The following FRMD5 variants were observed in gnomAD, a reference collection of about 807,000 sequenced individuals.
FRMD5 encodes FERM domain containing 5.
Under a neutral mutation model 69.0 loss-of-function variants are expected in FRMD5, and 20 were observed. That is an observed-to-expected ratio of 0.29 (90% CI 0.20 to 0.42). The LOEUF is 0.42. FRMD5 is among the 10% of genes least tolerant of loss of function. The pLI, the probability that FRMD5 is intolerant of heterozygous loss-of-function variation, is 1.00. For missense variants in FRMD5, 595 were observed against 708.6 expected, an observed-to-expected ratio of 0.84 and a Z score of 1.82; for synonymous variants, 271 against 260.1, an observed-to-expected ratio of 1.04 and a Z score of -0.40.
At chr15:44,144,991 TC>T in intron 1 of FRMD5, among the ~76,000 whole-genome samples, 1 of 152,306 alleles carries the variant, frequency 6.6e-6, no homozygotes, top group East Asian at 1.9e-4. Flanking sequence ...AATGAATTTG[TC>T]CTGATAAAGT....
At chr15:44,134,257 G>C (rs543988119) in intron 1 of FRMD5, among the ~76,000 whole-genome samples, 1 of 152,060 alleles carries the variant, frequency 6.6e-6, no homozygotes, top group South Asian at 2.1e-4. Flanking sequence ...CTACAGGTGT[G>C]CATCACCACG....
In FRMD5 at chr15:44,015,053, A is replaced by T. The variant is rs191748894; in HGVS notation, c.103-90744T>A. ...TTTCACCCCAAAAGAAAAGAAAAAA[A>T]CTATGCCTAACCTTGTGCCAAATCA... On this transcript the variant is annotated intron_variant, in intron 1 of 13. Transcript: ENST00000417257. Among the ~76,000 whole-genome samples the T allele has an allele frequency of 1.4e-4, 22 of 152,272 alleles. No homozygotes were observed. The East Asian group carries it at 4.2e-3, about 29-fold the overall frequency.
chr15:44,021,995 G>T (rs1323343879), intron 1 of FRMD5, among the ~76,000 whole-genome samples: 1 of 152,040 alleles, frequency 6.6e-6, no homozygotes, highest in East Asian at 1.9e-4. Context: ...CAAGATAGAC[G>T]AACCTTGAAA....
intron 1 of FRMD5, among the ~76,000 whole-genome samples, chr15:44,113,251 T>G (rs2076824506): frequency 6.6e-6 from 1 of 152,210 alleles, no homozygotes; most frequent in Non-Finnish European, 1.5e-5. Context: ...CAATCTGCAT[T>G]GTAGGGTTTT....
At position 44,010,400 on chromosome 15, in the gene FRMD5, C is replaced by CTT. The variant is rs5812260; in HGVS notation, c.103-86093_103-86092dup. 3.9e-3 allele frequency among the ~76,000 whole-genome samples: 551 copies of CTT among 139,910 alleles called. 4 individuals carry two copies. Among genetic ancestry groups the CTT allele is most frequent in the South Asian group, 0.02 (87 of 4,420 alleles). 91.8% of individuals were successfully genotyped at this position (139,910 alleles called of 152,430 possible). On this transcript the variant is annotated intron_variant, in intron 1 of 13. Transcript: ENST00000417257. Reference sequence around the variant, plus strand: ...TCTCTTCTCAATCTTTTTTCCTTTTCTTTTTTTTTTTTTTTTAGACAGAGT... The same window carrying CTT: ...TCTCTTCTCAATCTTTTTTCCTTTTCTTTTTTTTTTTTTTTTTTAGACAGAGT...
intron 1 of FRMD5, among the ~76,000 whole-genome samples, chr15:44,153,448 G>A (rs979753697): frequency 1.3e-5 from 2 of 152,154 alleles, no homozygotes; most frequent in African/African-American, 2.4e-5. Context: ...ACTATGCTAA[G>A]TGAAATAAGC....
At chr15:43,919,831 A>G (rs202209976) in intron 2 of FRMD5, 22 bp from the exon 3 acceptor site, 10 of 1,610,500 alleles carry the variant, frequency 6.2e-6, no homozygotes, top group African/African-American at 2.7e-5. Context: ...AACACAGAAC[A>G]TGAAAACCCT....
At chr15:44,131,666 G>C (rs1041938914) in intron 1 of FRMD5, among the ~76,000 whole-genome samples, 2 of 111,706 alleles carry the variant, frequency 1.8e-5, no homozygotes, top group Admixed American at 1.9e-4. Flanking sequence ...GAAAACATTA[G>C]GCTAAGTTAA....
chr15:43,997,653 T>TCTTAA (rs1274223854), intron 1 of FRMD5, among the ~76,000 whole-genome samples: 1 of 22,830 alleles, frequency 4.4e-5, no homozygotes, highest in Non-Finnish European at 1.8e-4. Context: ...TGATTTCTAT[T>TCTTAA]CTTTTTATAT....
At chr15:44,132,643 G>T (rs1047697916) in intron 1 of FRMD5, among the ~76,000 whole-genome samples, 1 of 151,958 alleles carries the variant, frequency 6.6e-6, no homozygotes, top group Non-Finnish European at 1.5e-5. Context: ...TTCCCAGGCT[G>T]GTCTCAAACT....
chr15:44,019,838 C>T (rs986598131), intron 1 of FRMD5, among the ~76,000 whole-genome samples: 1 of 149,094 alleles, frequency 6.7e-6, no homozygotes, highest in Non-Finnish European at 1.5e-5. Flanking sequence ...GTGTCTAATA[C>T]CAAACATTTC....
At chr15:44,017,284 G>C (rs1302556201) in intron 1 of FRMD5, among the ~76,000 whole-genome samples, 6 of 151,738 alleles carry the variant, frequency 4.0e-5, no homozygotes, top group African/African-American at 9.7e-5. Context: ...GTTGTAGTGA[G>C]CCAAGATAGC....
At chr15:44,005,447 G>C (rs911039203) in intron 1 of FRMD5, among the ~76,000 whole-genome samples, 3 of 132,662 alleles carry the variant, frequency 2.3e-5, no homozygotes, top group African/African-American at 8.5e-5. Flanking sequence ...CTCCAGCCTG[G>C]GCAAAAAGAG....
At chr15:44,149,098 T>C (rs753343638) in intron 1 of FRMD5, among the ~76,000 whole-genome samples, 1 of 152,126 alleles carries the variant, frequency 6.6e-6, no homozygotes, top group Non-Finnish European at 1.5e-5. Flanking sequence ...ACACACAATG[T>C]ATAAGGATGT....
intron 1 of FRMD5, among the ~76,000 whole-genome samples, chr15:44,080,364 A>G (rs967621126): frequency 1.1e-4 from 17 of 152,124 alleles, no homozygotes; most frequent in African/African-American, 2.4e-4. Context: ...GTGTGTGCCT[A>G]AAACACCTGA....
At chr15:44,078,454 A>G (rs1893860879) in intron 1 of FRMD5, among the ~76,000 whole-genome samples, 1 of 152,150 alleles carries the variant, frequency 6.6e-6, no homozygotes, top group Non-Finnish European at 1.5e-5. Context: ...TAGAATCTCA[A>G]GAATCCCAGA....
At chr15:43,891,936 G>T in intron 8 of FRMD5, 45 bp downstream of exon 8, 1 of 1,520,240 alleles carries the variant, frequency 6.6e-7, no homozygotes, top group Non-Finnish European at 9.1e-7. Flanking sequence ...CCCCTCCCCA[G>T]TTGGTGAGAT....
At chr15:43,986,268 A>G (rs976160154) in intron 1 of FRMD5, among the ~76,000 whole-genome samples, 12 of 152,264 alleles carry the variant, frequency 7.9e-5, no homozygotes, top group African/African-American at 2.7e-4. Flanking sequence ...TTGTCTTCCA[A>G]TGATGAAACC....
intron 8 of FRMD5, 86 bp from the exon 9 acceptor site, chr15:43,888,958 T>C (rs2088730893): frequency 8.8e-7 from 1 of 1,132,602 alleles, no homozygotes; most frequent in Non-Finnish European, 1.3e-6. Flanking sequence ...CCACCCCAAC[T>C]GGAAGGGGCT....
Sources: allele counts gnomAD v4.1 joint callset (sites outside exome capture counted in the v4.1 genomes callset), GRCh38; gene constraint gnomAD v4.1.1; transcripts MANE v1.5; gene names NCBI Gene and HGNC (gene_info 2026-07-23, HGNC 2026-07-21).